The following CNTN1 variants were observed in gnomAD, a reference collection of about 807,000 sequenced individuals.
The protein encoded by CNTN1 is contactin-1.
Under a neutral mutation model 126.4 loss-of-function variants are expected in CNTN1, and 38 were observed. That is an observed-to-expected ratio of 0.30 (90% CI 0.23 to 0.39). The LOEUF (loss-of-function observed/expected upper bound fraction) is 0.39. CNTN1 is among the 10% of genes least tolerant of loss of function. CNTN1 has a pLI of 1.00. For synonymous variants in CNTN1, 413 were observed against 422.6 expected, an observed-to-expected ratio of 0.98 and a Z score of 0.28; for missense variants, 1,009 against 1,248.4, an observed-to-expected ratio of 0.81 and a Z score of 2.89.
intron 23 of CNTN1, among the ~76,000 whole-genome samples, chr12:41,034,028 C>G (rs983286986): frequency 6.6e-6 from 1 of 151,522 alleles, no homozygotes; most frequent in African/African-American, 2.4e-5. Context: ...CCAGCCTGGG[C>G]GACAGAGTGA....
At chr12:40,976,710 T>C (rs374003557) in intron 15 of CNTN1, among the ~76,000 whole-genome samples, 2 of 152,024 alleles carry the variant, frequency 1.3e-5, no homozygotes, top group East Asian at 1.9e-4. Context: ...TTCTGTCCAT[T>C]CTAAACAAAA....
intron 1 of CNTN1, among the ~76,000 whole-genome samples, chr12:40,716,456 A>T (rs1942052460): frequency 1.3e-5 from 2 of 152,208 alleles, no homozygotes; most frequent in Admixed American, 6.5e-5. Flanking sequence ...GACAAGAGAC[A>T]ACCTCTAACA....
chr12:40,844,327 A>G (rs1389633491), intron 1 of CNTN1, among the ~76,000 whole-genome samples: 4 of 151,902 alleles, frequency 2.6e-5, no homozygotes, highest in Non-Finnish European at 4.4e-5. Context: ...CGGCCTCCCA[A>G]AGTGCTGGGA....
intron 17 of CNTN1, among the ~76,000 whole-genome samples, chr12:41,008,062 T>C (rs375019102): frequency 2.5e-4 from 38 of 152,348 alleles, no homozygotes; most frequent in African/African-American, 8.2e-4. Context: ...AGTGGTCATT[T>C]GAATGATGAC....
Position 40,842,006 on chromosome 12 carries a change from AAG to A in CNTN1, c.-76-66349_-76-66348del, listed in dbSNP as rs1181316143. On this transcript the variant is annotated intron_variant, in intron 1 of 23. Transcript: ENST00000551295. The stretch of plus-strand genomic sequence containing the variant: ...AATTTATACAAATTTTTTTTAAAAA[AAG>A]AAATAAATAAAAAGATATTTTTAAT... Among the ~76,000 whole-genome samples the A allele has an allele frequency of 3.9e-5, 6 of 152,106 alleles. 1 individual carries two copies. Among genetic ancestry groups the A allele is most frequent in the African/African-American group, 1.4e-4 (6 of 41,544 alleles).
chr12:40,871,312 C>T (rs2136670643), intron 1 of CNTN1, among the ~76,000 whole-genome samples: 1 of 151,620 alleles, frequency 6.6e-6, no homozygotes, highest in South Asian at 2.1e-4. Context: ...TACTATGGGA[C>T]TTACATAATA....
chr12:40,724,702 T>C (rs149174062), intron 1 of CNTN1, among the ~76,000 whole-genome samples: 1 of 152,182 alleles, frequency 6.6e-6, no homozygotes, highest in Non-Finnish European at 1.5e-5. Context: ...TAAGACAGTA[T>C]AGATTTATAC....
At chr12:40,731,558 C>T (rs73110854) in intron 1 of CNTN1, among the ~76,000 whole-genome samples, 1,896 of 151,796 alleles carry the variant, frequency 0.012, 26 homozygotes, top group African/African-American at 0.043. Flanking sequence ...ATATTTTGCT[C>T]GCAGGGATTT....
chr12:41,004,761 T>C (rs1443578724), intron 17 of CNTN1, among the ~76,000 whole-genome samples: 1 of 152,222 alleles, frequency 6.6e-6, no homozygotes, highest in East Asian at 1.9e-4. Flanking sequence ...AACCCTACTT[T>C]TTACTGTTTT....
At chr12:40,876,552 T>TAGGA (rs1463135941) in intron 1 of CNTN1, among the ~76,000 whole-genome samples, 2 of 152,118 alleles carry the variant, frequency 1.3e-5, no homozygotes, top group African/African-American at 4.8e-5. Context: ...TCAGATATTT[T>TAGGA]TAGGATACTA....
chr12:41,037,414 T>A (rs1949290311), intron 23 of CNTN1, among the ~76,000 whole-genome samples: 1 of 152,122 alleles, frequency 6.6e-6, no homozygotes, highest in East Asian at 1.9e-4. Context: ...CTTGCCATTG[T>A]ATTACAATTG....
chr12:40,817,681 G>T (rs1345097133), intron 1 of CNTN1, among the ~76,000 whole-genome samples: 2 of 151,664 alleles, frequency 1.3e-5, no homozygotes, highest in Non-Finnish European at 2.9e-5. Flanking sequence ...GGTTAATATT[G>T]TTATGTGCGA....
chr12:41,019,909 A>T lies in CNTN1; in HGVS notation c.2420-428A>T, dbSNP rs141702410. Among the ~76,000 whole-genome samples the T allele has an allele frequency of 1.8e-3, 273 of 152,290 alleles. 3 individuals are homozygous for T. Among genetic ancestry groups the T allele is most frequent in the Admixed American group, 0.015 (233 of 15,302 alleles). ...TATAATTCCAAATTTCCTATTTCTG[A>T]TAATATAGAGTTGACAGCTAAATAT... is the stretch of plus-strand genomic sequence containing the variant. On this transcript the variant is annotated intron_variant, in intron 19 of 23. Coordinates refer to ENST00000551295, the MANE Select transcript of CNTN1 (RefSeq NM_001843.4).
At chr12:40,924,993 G>A (rs1945593074) in intron 6 of CNTN1, among the ~76,000 whole-genome samples, 1 of 150,112 alleles carries the variant, frequency 6.7e-6, no homozygotes, top group South Asian at 2.1e-4. Flanking sequence ...AAGAAAGGAT[G>A]TATAATCAAT....
chr12:40,756,775 C>G (rs1938627119), intron 1 of CNTN1, among the ~76,000 whole-genome samples: 1 of 152,148 alleles, frequency 6.6e-6, no homozygotes, highest in Non-Finnish European at 1.5e-5. Flanking sequence ...AAGTCATTCT[C>G]TGCTTTGTTG....
chr12:40,693,347 G>A (rs1941352715), intron 1 of CNTN1, among the ~76,000 whole-genome samples: 2 of 152,168 alleles, frequency 1.3e-5, no homozygotes, highest in Non-Finnish European at 2.9e-5. Context: ...TTGGCTTCAG[G>A]GATTTCCAGG....
intron 1 of CNTN1, among the ~76,000 whole-genome samples, chr12:40,783,252 T>C (rs1939875273): frequency 1.3e-5 from 2 of 152,074 alleles, no homozygotes; most frequent in South Asian, 2.1e-4. Flanking sequence ...AGAATTAGTA[T>C]AACAATAGAA....
Position 40,737,305 on chromosome 12 carries a change from G to A in CNTN1, c.-77+44713G>A, listed in dbSNP as rs575615532. Among the ~76,000 whole-genome samples, 13 of 145,876 alleles carry A rather than the reference G, an allele frequency of 8.9e-5. 1 individual carries two copies. The highest frequency in any genetic ancestry group is 3.3e-4 in the African/African-American group (13 of 39,932). On this transcript the variant is annotated intron_variant, in intron 1 of 23. Coordinates refer to ENST00000551295, the MANE Select transcript of CNTN1 (RefSeq NM_001843.4). ...TATATATGTGTGTGTGTGTGTGTGT[G>A]TATATACACATATACATGGGAGTGT...
In CNTN1 at chr12:41,029,195, G is replaced by A; in HGVS notation, c.2956G>A (p.Val986Met). The change falls in exon 23 of 24, where the codon GTG becomes ATG. Residue 986 changes from valine (V) to methionine (M), a missense_variant. Transcript: ENST00000551295. ...VRAHSDGGDGVVSQVKISGAP... is the reference protein window; with the variant it reads ...VRAHSDGGDGMVSQVKISGAP... ...CGCGCACAGTGATGGAGGAGATGGA[G>A]TGGTGTCTCAAGTCAAAATTTCAGG... is the stretch of plus-strand genomic sequence containing the variant. 1 of 1,614,108 alleles carries A rather than the reference G, an allele frequency of 6.2e-7. No individual in the cohort carries two copies. Among genetic ancestry groups the A allele is most frequent in the Non-Finnish European group, 8.5e-7 (1 of 1,179,990 alleles).
Sources: allele counts gnomAD v4.1 joint callset (sites outside exome capture counted in the v4.1 genomes callset), GRCh38; gene constraint gnomAD v4.1.1; transcripts MANE v1.5; gene names NCBI Gene and HGNC (gene_info 2026-07-23, HGNC 2026-07-21).